Variants in FTO observed in about 807,000 individuals in gnomAD.
The protein encoded by FTO is alpha-ketoglutarate-dependent dioxygenase FTO.
In FTO, 47 loss-of-function variants were observed where a neutral mutation model predicts 63.9. That is an observed-to-expected ratio of 0.74 (90% CI 0.58 to 0.94). The LOEUF is 0.94. Among genes scored for constraint, FTO ranks in the 40% least tolerant of loss-of-function variants. The pLI is 0.00. For synonymous variants in FTO, 207 were observed against 224.4 expected, an observed-to-expected ratio of 0.92 and a Z score of 0.69; for missense variants, 562 against 618.1, an observed-to-expected ratio of 0.91 and a Z score of 0.96.
At position 53,934,777 on chromosome 16, in the gene FTO, T is replaced by G. The variant is rs1445183138; in HGVS notation, c.1364+668T>G. ...AAGGTACTATAAAAATATGGTGTTA[T>G]AATCTTATGGGACGGGACCACTGAC... On this transcript the variant is annotated intron_variant, in intron 8 of 8. Transcript: ENST00000471389. Among the ~76,000 whole-genome samples the G allele has an allele frequency of 3.3e-5, 5 of 152,208 alleles. 1 individual carries two copies. The highest frequency in any genetic ancestry group is 7.3e-5 in the Non-Finnish European group (5 of 68,042).
At chr16:53,994,679 T>C (rs1001399373) in intron 8 of FTO, among the ~76,000 whole-genome samples, 2 of 151,812 alleles carry the variant, frequency 1.3e-5, no homozygotes, top group East Asian at 1.9e-4. Context: ...ATTTCTTCTT[T>C]ACCATGTCAT....
At chr16:53,897,009 CT>C (rs971172547) in intron 7 of FTO, among the ~76,000 whole-genome samples, 25 of 152,280 alleles carry the variant, frequency 1.6e-4, no homozygotes, top group African/African-American at 5.5e-4. Context: ...CCTTCCGTGC[CT>C]TATGGTAACA....
intron 1 of FTO, among the ~76,000 whole-genome samples, chr16:53,791,788 T>A (rs2077919441): frequency 6.6e-6 from 1 of 152,144 alleles, no homozygotes; most frequent in Admixed American, 6.5e-5. Flanking sequence ...ATAAAGCGTG[T>A]ATAGGCCGGG....
intron 4 of FTO, among the ~76,000 whole-genome samples, chr16:53,852,101 CAAAAAAAA>C (rs57004473): frequency 1.8e-5 from 1 of 54,444 alleles, no homozygotes; most frequent in Non-Finnish European, 3.8e-5. Context: ...ACAAAAAATA[CAAAAAAAA>C]AAAAAAAAAA....
chr16:53,979,569 GC>G (rs1357802124), intron 8 of FTO: 31 of 392,308 alleles, frequency 7.9e-5, no homozygotes, highest in Non-Finnish European at 1.4e-4. Context: ...GTGTGTGTGC[GC>G]GCGTGTGTGA....
At chr16:53,929,230 C>T (rs984134387) in intron 7 of FTO, among the ~76,000 whole-genome samples, 3 of 152,190 alleles carry the variant, frequency 2.0e-5, no homozygotes, top group African/African-American at 7.2e-5. Context: ...CCTTATGCTG[C>T]GTCTTGCCCA....
chr16:53,923,171 A>G (rs2082048517), intron 7 of FTO: 1 of 152,224 alleles, frequency 6.6e-6, no homozygotes, highest in Admixed American at 6.5e-5. Flanking sequence ...TAGAAATCAA[A>G]TCCCATTTCC....
At chr16:53,950,405 T>G (rs1599067004) in intron 8 of FTO, among the ~76,000 whole-genome samples, 1 of 152,142 alleles carries the variant, frequency 6.6e-6, no homozygotes, top group South Asian at 2.1e-4. Context: ...CTTCTAAAGA[T>G]CAAATGAGTA....
intron 8 of FTO, among the ~76,000 whole-genome samples, chr16:54,091,002 A>C (rs2144553346): frequency 6.6e-6 from 1 of 152,308 alleles, no homozygotes; most frequent in South Asian, 2.1e-4. Context: ...ATACAAAAGC[A>C]GAAACTGCCA....
At chr16:54,047,853 A>T (rs1233447409) in intron 8 of FTO, among the ~76,000 whole-genome samples, 1 of 19,960 alleles carries the variant, frequency 5.0e-5, no homozygotes, top group Non-Finnish European at 8.0e-5. Flanking sequence ...TCAGTAAACT[A>T]TCGCAAGAAC....
chr16:53,788,265 C>G (rs1555633830), intron 1 of FTO, among the ~76,000 whole-genome samples: 1 of 142,692 alleles, frequency 7.0e-6, no homozygotes, highest in Non-Finnish European at 1.6e-5. Context: ...ACATTTTTTT[C>G]CCCCACCTCT....
intron 8 of FTO, among the ~76,000 whole-genome samples, chr16:53,986,758 C>CTAGGCTGAGCTGAGCTGTGTCTT (rs2083677823): frequency 6.6e-6 from 1 of 152,134 alleles, no homozygotes; most frequent in Non-Finnish European, 1.5e-5. Context: ...TTCCATGCGT[C>CTAGGCTGAGCTGAGCTGTGTCTT]TAGGCTGAGC....
intron 1 of FTO, among the ~76,000 whole-genome samples, chr16:53,800,876 A>AT: frequency 6.6e-6 from 1 of 152,216 alleles, no homozygotes; most frequent in South Asian, 2.1e-4. Flanking sequence ...TAGAATGTAC[A>AT]TAACATATAA....
rs923338993 is a variant in FTO at position 53,901,292 on chromosome 16, C to T, written c.1239+12341C>T. On this transcript the variant is annotated intron_variant, in intron 7 of 8. Coordinates refer to ENST00000471389, the MANE Select transcript of FTO (RefSeq NM_001080432.3). ...GACTTTGGTCAGAAGCAGGTCTTCC[C>T]ATGTATGAACCACTTATGATTCTCT... Among the ~76,000 whole-genome samples, 3 of 152,280 alleles carry T rather than the reference C, an allele frequency of 2.0e-5. No individual in the cohort carries two copies. The South Asian group carries it at 6.2e-4, about 32-fold the overall frequency.
Position 53,929,775 on chromosome 16 carries a change from C to T in FTO, c.1240-4210C>T, listed in dbSNP as rs570207671. On this transcript the variant is annotated intron_variant, in intron 7 of 8. Coordinates refer to ENST00000471389, the MANE Select transcript of FTO (RefSeq NM_001080432.3). ...AAGATGCCCCAAAACAAAGGGAGGA[C>T]TTCTAGGTCCTCCATACCAGCTTCA... Among the ~76,000 whole-genome samples the T allele has an allele frequency of 7.2e-5, 11 of 152,308 alleles. No homozygotes were observed. The South Asian group carries it at 2.3e-3, about 32-fold the overall frequency.
chr16:53,731,054 A>T (rs2076259422), intron 1 of FTO, among the ~76,000 whole-genome samples: 2 of 152,166 alleles, frequency 1.3e-5, no homozygotes, highest in African/African-American at 4.8e-5. Flanking sequence ...TGCCTTATGG[A>T]AAAGGTGTCC....
At chr16:53,867,608 G>A (rs369631643) in intron 4 of FTO, among the ~76,000 whole-genome samples, 46 of 151,132 alleles carry the variant, frequency 3.0e-4, no homozygotes, top group East Asian at 1.4e-3. Flanking sequence ...GTGTTTTATC[G>A]CCCAGAATGT....
intron 7 of FTO, among the ~76,000 whole-genome samples, chr16:53,907,071 C>T (rs1187742371): frequency 1.3e-5 from 2 of 152,212 alleles, no homozygotes; most frequent in Non-Finnish European, 2.9e-5. Flanking sequence ...TCTAATCATA[C>T]TCCTCTCTGT....
intron 3 of FTO, among the ~76,000 whole-genome samples, chr16:53,831,412 T>A (rs1314869542): frequency 6.6e-6 from 1 of 151,854 alleles, no homozygotes; most frequent in East Asian, 1.9e-4. Context: ...CATCTAACAA[T>A]AAGGTCTCCC....
Sources: allele counts gnomAD v4.1 joint callset (sites outside exome capture counted in the v4.1 genomes callset), GRCh38; gene constraint gnomAD v4.1.1; transcripts MANE v1.5; gene names NCBI Gene and HGNC (gene_info 2026-07-23, HGNC 2026-07-21).